Variants in IGF1R observed in about 807,000 individuals in gnomAD.
IGF1R encodes the protein insulin like growth factor 1 receptor.
IGF1R carries 44 observed loss-of-function variants against 144.6 expected under a neutral mutation model. The observed-to-expected ratio is 0.30, with a 90% CI of 0.24 to 0.39. IGF1R has a LOEUF of 0.39. Among genes scored for constraint, IGF1R ranks in the 10% least tolerant of loss-of-function variants. The pLI, the probability that IGF1R is intolerant of heterozygous loss-of-function variation, is 1.00. For missense variants in IGF1R, 1,355 were observed against 1,833.7 expected, an observed-to-expected ratio of 0.74 and a Z score of 4.77; for synonymous variants, 795 against 722.8, an observed-to-expected ratio of 1.10 and a Z score of -1.60.
At chr15:98,709,506 TG>T (rs1426534716) in intron 2 of IGF1R, among the ~76,000 whole-genome samples, 1 of 152,238 alleles carries the variant, frequency 6.6e-6, no homozygotes, top group Non-Finnish European at 1.5e-5. Flanking sequence ...TAAAGTCACT[TG>T]TGTGGTTGAT....
Position 98,934,866 on chromosome 15 carries a change from C to T in IGF1R, c.2999C>T (p.Thr1000Ile), listed in dbSNP as rs569704719. The T allele has an allele frequency of 2.5e-6, 4 of 1,614,136 alleles. No individual in the cohort carries two copies. The highest frequency in any genetic ancestry group is 2.2e-5 in the South Asian group (2 of 91,076). Reference protein sequence around the residue: ...DEWEVAREKITMSRELGQGSF... With the variant: ...DEWEVAREKIIMSRELGQGSF... ...TGGGAGGTGGCTCGGGAGAAGATCA[C>T]CATGAGCCGGGAACTTGGGCAGGGG... The change falls in exon 16 of 21, where the codon ACC (threonine) becomes ATC (isoleucine). Residue 1000 changes from threonine (T) to isoleucine (I), a missense_variant. Transcript: ENST00000650285.
intron 2 of IGF1R, among the ~76,000 whole-genome samples, chr15:98,782,574 A>T (rs942535357): frequency 1.3e-5 from 2 of 152,178 alleles, no homozygotes; most frequent in African/African-American, 2.4e-5. Flanking sequence ...AATTATTGTC[A>T]GTGCTTGCGG....
intron 2 of IGF1R, among the ~76,000 whole-genome samples, chr15:98,744,573 G>C (rs936992983): frequency 6.6e-6 from 1 of 152,020 alleles, no homozygotes. Context: ...CAGAGATAGA[G>C]GGGGGCTAAA....
At position 98,958,669 on chromosome 15, in the gene IGF1R, C is replaced by T. The variant is rs1198866688; in HGVS notation, c.*1227C>T. The T allele has an allele frequency of 1.3e-5, 3 of 230,308 alleles. No homozygotes were observed. Among genetic ancestry groups the T allele is most frequent in the African/African-American group, 2.2e-5 (1 of 44,958 alleles). The allele number at this position is 230,308 out of a possible 1,614,324, so 14.3% of individuals were successfully genotyped here. The stretch of plus-strand genomic sequence containing the variant: ...TAATGTCACTTTTATAACTTTTTTA[C>T]GGTTCAGATATTCATCTATACGTCT... On this transcript the variant is annotated 3_prime_UTR_variant, in exon 21 of 21. Transcript: ENST00000650285.
intron 2 of IGF1R, among the ~76,000 whole-genome samples, chr15:98,751,580 T>TA (rs1322936824): frequency 6.6e-6 from 1 of 152,216 alleles, no homozygotes; most frequent in African/African-American, 2.4e-5. Flanking sequence ...CCCAGTTTTT[T>TA]ATAAGTAAAG....
chr15:98,851,345 C>G (rs945156581), intron 2 of IGF1R, among the ~76,000 whole-genome samples: 1 of 152,180 alleles, frequency 6.6e-6, no homozygotes, highest in Non-Finnish European at 1.5e-5. Flanking sequence ...TTGCTTCCTG[C>G]AAGGAGCTTT....
rs889588111 is a variant in IGF1R, at chr15:98,885,784, G to GT, written c.641-5537dup. On this transcript the variant is annotated intron_variant, in intron 2 of 20. Transcript: ENST00000650285. Reference sequence around the variant, plus strand: ...TATGGCCAGGTGGCCCCTCTTTCATGTTTTGTTCCTTGTGAAGAGGTTGAG... The same window carrying GT: ...TATGGCCAGGTGGCCCCTCTTTCATGTTTTTGTTCCTTGTGAAGAGGTTGAG... 3.4e-5 allele frequency among the ~76,000 whole-genome samples: 5 copies of GT among 148,536 alleles called. No homozygotes were observed. The East Asian group carries it at 9.8e-4, about 29-fold the overall frequency.
At chr15:98,788,432 CA>C (rs1390560785) in intron 2 of IGF1R, among the ~76,000 whole-genome samples, 1 of 152,228 alleles carries the variant, frequency 6.6e-6, no homozygotes, top group Admixed American at 6.5e-5. Context: ...TGCTAAGTCA[CA>C]GGCTTCCTTC....
Position 98,964,039 on chromosome 15 carries a change from G to A in IGF1R, c.*6597G>A, listed in dbSNP as rs373650045. On this transcript the variant is annotated 3_prime_UTR_variant, in exon 21 of 21. Transcript: ENST00000650285. ...ACATCCACCGGTGGAAGAGACGCCC[G>A]GTGAAAACACCTGTCTGCTTTCTAA... The A allele has an allele frequency of 1.5e-4, 35 of 233,048 alleles. No individual in the cohort carries two copies. Among genetic ancestry groups the A allele is most frequent in the Non-Finnish European group, 2.5e-4 (29 of 117,682 alleles). 14.4% of individuals were successfully genotyped at this position (233,048 alleles called of 1,614,324 possible).
intron 18 of IGF1R, among the ~76,000 whole-genome samples, chr15:98,940,265 A>G (rs904772150): frequency 2.6e-5 from 4 of 152,236 alleles, no homozygotes; most frequent in Non-Finnish European, 5.9e-5. Context: ...AGCTATTTCA[A>G]ATGGACCTCT....
At chr15:98,664,321 G>A (rs919369594) in intron 1 of IGF1R, among the ~76,000 whole-genome samples, 21 of 152,204 alleles carry the variant, frequency 1.4e-4, no homozygotes, top group Middle Eastern at 3.4e-3. Context: ...ACCGGGGCAC[G>A]TTATTGACCC....
chr15:98,908,542 T>C (rs1596430098), intron 5 of IGF1R, 143 bp from the exon 6 acceptor site: 1 of 703,998 alleles, frequency 1.4e-6, no homozygotes, highest in East Asian at 2.7e-5. Flanking sequence ...TGTTCTCCTA[T>C]AGTGTTAATA....
chr15:98,921,023 A>G (rs982803225), intron 10 of IGF1R, among the ~76,000 whole-genome samples: 8 of 151,962 alleles, frequency 5.3e-5, no homozygotes, highest in African/African-American at 7.3e-5. Flanking sequence ...TCTCCCCTCC[A>G]TGGCACTGAT....
rs1243619024 is a variant in IGF1R at position 98,916,706 on chromosome 15, C to T, written c.2031C>T (p.Thr677=). The change falls in exon 10 of 21, where the codon ACC becomes ACT. Residue 677 remains threonine, a synonymous_variant. Coordinates refer to ENST00000650285, the MANE Select transcript of IGF1R (RefSeq NM_000875.5). ...KIPIRKYADG[T]IDIEEVTENP... The stretch of plus-strand genomic sequence containing the variant: ...CCATCAGGAAGTATGCCGACGGCAC[C>T]ATCGACATTGAGGAGGTCACAGAGA... The T allele has an allele frequency of 2.5e-6, 4 of 1,614,106 alleles. No individual in the cohort carries two copies. Among genetic ancestry groups the T allele is most frequent in the Non-Finnish European group, 2.5e-6 (3 of 1,180,022 alleles).
chr15:98,803,227 T>C (rs905683650), intron 2 of IGF1R, among the ~76,000 whole-genome samples: 1 of 152,226 alleles, frequency 6.6e-6, no homozygotes, highest in Non-Finnish European at 1.5e-5. Flanking sequence ...CTGTTGCTCG[T>C]AGGCTGCAAA....
chr15:98,871,744 G>C (rs2012797495), intron 2 of IGF1R, among the ~76,000 whole-genome samples: 1 of 152,192 alleles, frequency 6.6e-6, no homozygotes. Context: ...ACTAATAACA[G>C]CAAGGGAAAA....
intron 2 of IGF1R, among the ~76,000 whole-genome samples, chr15:98,742,923 G>C (rs1272869552): frequency 2.0e-5 from 3 of 152,152 alleles, no homozygotes; most frequent in African/African-American, 7.2e-5. Flanking sequence ...TGTAATCCCA[G>C]CTTCTCGGGA....
chr15:98,869,317 A>ACAAC (rs57524906), intron 2 of IGF1R, among the ~76,000 whole-genome samples: 2 of 151,882 alleles, frequency 1.3e-5, no homozygotes, highest in African/African-American at 4.8e-5. Context: ...AACAACAACA[A>ACAAC]AAAAAAACAC....
At position 98,959,865 on chromosome 15, in the gene IGF1R, A is replaced by G. The variant is rs1297176902; in HGVS notation, c.*2423A>G. 2 of 232,992 alleles carry G rather than the reference A, an allele frequency of 8.6e-6. No homozygotes were observed. The highest frequency in any genetic ancestry group is 1.7e-5 in the Non-Finnish European group (2 of 118,010). 14.4% of individuals were successfully genotyped at this position (232,992 alleles called of 1,614,324 possible). A position where few individuals can be genotyped will look rare whatever the true frequency, so the allele number is the denominator to read the frequency against. ...TAGCGTGTTCCCTTTAAAAAAAAAA[A>G]AAAGGTATTATATGTAGGAGTTTTC... On this transcript the variant is annotated 3_prime_UTR_variant, in exon 21 of 21. Transcript: ENST00000650285.
Sources: allele counts gnomAD v4.1 joint callset (sites outside exome capture counted in the v4.1 genomes callset), GRCh38; gene constraint gnomAD v4.1.1; transcripts MANE v1.5; gene names NCBI Gene and HGNC (gene_info 2026-07-23, HGNC 2026-07-21).